TSC22D2: variants seen among roughly 807,000 people sequenced by gnomAD.
The protein encoded by TSC22D2 is TSC22 domain family protein 2.
In TSC22D2, 5 loss-of-function variants were observed where a neutral mutation model predicts 50.1. The ratio of observed to expected loss-of-function variants is 0.10; its 90% CI spans 0.05 to 0.21. The LOEUF is 0.21. TSC22D2 is among the 10% of genes least tolerant of loss of function. The pLI is 1.00. For missense variants in TSC22D2, 1,003 were observed against 1,015.5 expected, an observed-to-expected ratio of 0.99 and a Z score of 0.17; for synonymous variants, 501 against 450.1, an observed-to-expected ratio of 1.11 and a Z score of -1.43.
At chr3:150,420,597 C>G (rs995672373) in intron 1 of TSC22D2, among the ~76,000 whole-genome samples, 8 of 152,140 alleles carry the variant, frequency 5.3e-5, no homozygotes, top group African/African-American at 1.9e-4. Flanking sequence ...TTTCCACATC[C>G]CAGTATTTAC....
At position 150,460,704 on chromosome 3, in the gene TSC22D2, A is replaced by C. The variant is rs912075642; in HGVS notation, c.*2068A>C. ...GTGAAACTTCACTGTTGGACTGTTA[A>C]CCGAAAAGGTTTGCTGGCTGTGCCC... On this transcript the variant is annotated 3_prime_UTR_variant, in exon 3 of 3. Transcript: ENST00000688009. 4.5e-5 allele frequency: 6 copies of C among 134,244 alleles called. No individual in the cohort carries two copies. Among genetic ancestry groups the C allele is most frequent in the Non-Finnish European group, 1.1e-4 (6 of 56,032 alleles). The allele number at this position is 134,244 out of a possible 1,614,324, so 8.3% of individuals were successfully genotyped here. A position where few individuals can be genotyped will look rare whatever the true frequency, so the allele number is the denominator to read the frequency against.
intron 1 of TSC22D2, among the ~76,000 whole-genome samples, chr3:150,418,855 A>G (rs1719913199): frequency 6.6e-6 from 1 of 152,066 alleles, no homozygotes; most frequent in Non-Finnish European, 1.5e-5. Context: ...ATTGCATTTT[A>G]AATTATAATC....
chr3:150,426,646 A>G (rs754997596), intron 1 of TSC22D2, among the ~76,000 whole-genome samples: 45 of 152,342 alleles, frequency 3.0e-4, no homozygotes, highest in Middle Eastern at 3.4e-3. Context: ...TAAGAAATGC[A>G]TAAATGTACT....
intron 1 of TSC22D2, among the ~76,000 whole-genome samples, chr3:150,448,803 A>G (rs2108098198): frequency 6.6e-6 from 1 of 151,832 alleles, no homozygotes; most frequent in South Asian, 2.1e-4. Flanking sequence ...TATTAAAATG[A>G]TCCCCCCAAA....
chr3:150,431,909 T>C (rs10935800), intron 1 of TSC22D2, among the ~76,000 whole-genome samples: 61,518 of 151,972 alleles, frequency 0.4, 12,566 homozygotes, highest in Middle Eastern at 0.54. Flanking sequence ...TTGGAAAAAA[T>C]AGTGTAATTT....
In TSC22D2 at chr3:150,408,888, C is replaced by T. The variant is rs1719367072; in HGVS notation, c.-463C>T. On this transcript the variant is annotated 5_prime_UTR_variant, in exon 1 of 3. Transcript: ENST00000688009. ...GAGGAGCCCGAGCGGGGCAGCACCGCCCCTCACGCCGCCGCCACCGCCTCC... is the reference window on the plus strand; with the variant it reads ...GAGGAGCCCGAGCGGGGCAGCACCGTCCCTCACGCCGCCGCCACCGCCTCC... The T allele has an allele frequency of 1.2e-5, 2 of 164,596 alleles. No homozygotes were observed. The highest frequency in any genetic ancestry group is 2.6e-5 in the Non-Finnish European group (2 of 75,832). The allele number at this position is 164,596 out of a possible 1,614,324, so 10.2% of individuals were successfully genotyped here.
intron 1 of TSC22D2, among the ~76,000 whole-genome samples, chr3:150,438,770 G>A (rs572901206): frequency 1.3e-5 from 2 of 151,834 alleles, no homozygotes; most frequent in East Asian, 3.9e-4. Flanking sequence ...TTATTGCTTT[G>A]GAGATTTTAT....
At position 150,410,893 on chromosome 3, in the gene TSC22D2, G is replaced by C; in HGVS notation, c.1543G>C (p.Ala515Pro). 1.9e-6 allele frequency: 3 copies of C among 1,614,036 alleles called. No individual in the cohort carries two copies. The highest frequency in any genetic ancestry group is 1.1e-5 in the South Asian group (1 of 91,082). ...GVPNVPAAVPAPSVPSVSTTS... is the reference protein window; with the variant it reads ...GVPNVPAAVPPPSVPSVSTTS... ...TCCAAACGTGCCTGCAGCCGTGCCC[G>C]CTCCAAGCGTGCCTAGTGTGTCTAC... The change falls in exon 1 of 3, where the codon GCT becomes CCT. Residue 515 changes from alanine to proline, a missense_variant. Coordinates refer to ENST00000688009, the MANE Select transcript of TSC22D2 (RefSeq NM_001303264.2).
In TSC22D2 at chr3:150,408,728, A is replaced by T. The variant is rs954918044; in HGVS notation, c.-623A>T. 1 of 153,060 alleles carries T rather than the reference A, an allele frequency of 6.5e-6. No homozygotes were observed. Among genetic ancestry groups the T allele is most frequent in the East Asian group, 1.9e-4 (1 of 5,180 alleles). 9.5% of individuals were successfully genotyped at this position (153,060 alleles called of 1,614,324 possible). Reference sequence around the variant, plus strand: ...GGAGGGAGGGCCGCCTGCCCGCGCCACAGCCCCACCGCCCGCCCGCGGACC... The same window carrying T: ...GGAGGGAGGGCCGCCTGCCCGCGCCTCAGCCCCACCGCCCGCCCGCGGACC... On this transcript the variant is annotated 5_prime_UTR_variant, in exon 1 of 3. Coordinates refer to ENST00000688009, the MANE Select transcript of TSC22D2 (RefSeq NM_001303264.2).
At chr3:150,426,129 A>G (rs1459143532) in intron 1 of TSC22D2, among the ~76,000 whole-genome samples, 1 of 152,230 alleles carries the variant, frequency 6.6e-6, no homozygotes, top group Non-Finnish European at 1.5e-5. Flanking sequence ...ATGTAGGGAC[A>G]GTAGATACTG....
chr3:150,421,738 C>T (rs1190273791), intron 1 of TSC22D2, among the ~76,000 whole-genome samples: 15 of 151,804 alleles, frequency 9.9e-5, no homozygotes, highest in Admixed American at 6.6e-4. Flanking sequence ...TTAATAGGAC[C>T]CCAGAATTGC....
chr3:150,414,694 G>T (rs1327779595), intron 1 of TSC22D2, among the ~76,000 whole-genome samples: 1 of 151,960 alleles, frequency 6.6e-6, no homozygotes, highest in Non-Finnish European at 1.5e-5. Flanking sequence ...CATTTTGTTT[G>T]TACATTTATA....
chr3:150,447,527 G>A (rs1255161404), intron 1 of TSC22D2, among the ~76,000 whole-genome samples: 1 of 152,110 alleles, frequency 6.6e-6, no homozygotes, highest in Non-Finnish European at 1.5e-5. Context: ...GTAGTCCCAA[G>A]TGAAACTTAA....
At position 150,408,493 on chromosome 3, in the gene TSC22D2, G is replaced by C. The variant is rs1199684154; in HGVS notation, c.-858G>C. 1 of 152,344 alleles carries C rather than the reference G, an allele frequency of 6.6e-6. No homozygotes were observed. The highest frequency in any genetic ancestry group is 1.5e-5 in the Non-Finnish European group (1 of 68,120). 9.4% of individuals were successfully genotyped at this position (152,344 alleles called of 1,614,324 possible). The stretch of plus-strand genomic sequence containing the variant: ...GCCACCACCGCTACCTCACACAGCC[G>C]GGGCGCCTCCGGTCCCGTGCCAGCG... On this transcript the variant is annotated 5_prime_UTR_variant, in exon 1 of 3. Transcript: ENST00000688009.
chr3:150,414,351 C>T (rs1450258813), intron 1 of TSC22D2, among the ~76,000 whole-genome samples: 1 of 152,156 alleles, frequency 6.6e-6, no homozygotes, highest in Non-Finnish European at 1.5e-5. Flanking sequence ...GTTTAAACTA[C>T]GTACACACTT....
chr3:150,435,702 A>T (rs1223960186), intron 1 of TSC22D2, among the ~76,000 whole-genome samples: 1 of 152,162 alleles, frequency 6.6e-6, no homozygotes. Context: ...TTCCTTTAGG[A>T]ACTCTTTTAG....
Position 150,410,174 on chromosome 3 carries a change from A to AGCCGCC in TSC22D2, c.831_836dup (p.Pro279_Pro280dup). ...CAGAGTTTTAGCGTTGGGCAGCCAC[A>AGCCGCC]GCCGCCGCCGCCACCCGTAGGTGGG... On this transcript the variant is annotated inframe_insertion, in exon 1 of 3. Coordinates refer to ENST00000688009, the MANE Select transcript of TSC22D2 (RefSeq NM_001303264.2). 8 of 1,608,474 alleles carry AGCCGCC rather than the reference A, an allele frequency of 5.0e-6. No individual in the cohort carries two copies. The highest frequency in any genetic ancestry group is 6.8e-6 in the Non-Finnish European group (8 of 1,178,284).
chr3:150,454,073 AT>A, intron 1 of TSC22D2, among the ~76,000 whole-genome samples: 2 of 152,326 alleles, frequency 1.3e-5, no homozygotes, highest in Middle Eastern at 6.8e-3. Flanking sequence ...AGGAGCCAGA[AT>A]TTGCTATTCT....
At chr3:150,454,356 T>G (rs1333294933) in intron 1 of TSC22D2, among the ~76,000 whole-genome samples, 1 of 152,162 alleles carries the variant, frequency 6.6e-6, no homozygotes, top group Non-Finnish European at 1.5e-5. Flanking sequence ...AGATGGAGTA[T>G]AAGAGGAAAA....
Sources: allele counts gnomAD v4.1 joint callset (sites outside exome capture counted in the v4.1 genomes callset), GRCh38; gene constraint gnomAD v4.1.1; transcripts MANE v1.5; gene names NCBI Gene and HGNC (gene_info 2026-07-23, HGNC 2026-07-21).